Variants in MGAT4B observed in about 807,000 individuals in gnomAD.
MGAT4B encodes the protein alpha-1,3-mannosyl-glycoprotein 4-beta-N-acetylglucosaminyltransferase B.
In MGAT4B, 38 loss-of-function variants were observed where a neutral mutation model predicts 73.9. The observed-to-expected ratio is 0.51, with a 90% CI of 0.40 to 0.67. The LOEUF is 0.67. MGAT4B is among the 30% of genes least tolerant of loss of function. The probability of loss-of-function intolerance (pLI) is 0.00; values close to 1 mark genes in which losing one functional copy is unlikely to be tolerated. For synonymous variants in MGAT4B, 373 were observed against 313.5 expected (o/e 1.19, Z -2.01); for missense variants, 686 against 735.2 (o/e 0.93, Z 0.77).
Position 179,800,485 on chromosome 5 carries a change from T to A in MGAT4B, c.718A>T (p.Arg240Trp). 6.3e-7 allele frequency: 1 copy of A among 1,595,628 alleles called. No homozygotes were observed. The highest frequency in any genetic ancestry group is 8.6e-7 in the Non-Finnish European group (1 of 1,168,958). ...ESFGDPKERVRWRTKQNLDYC... is the reference protein window; with the variant it reads ...ESFGDPKERVWWRTKQNLDYC... ...AGGGTATGGGGGAGTAACTAGTACC[T>A]GACTCTCTCCTTGGGGTCCCCAAAG... Residue 240 changes from arginine (R) to tryptophan (W), a missense_variant and splice_region_variant, in exon 6 of 15, where the codon AGG becomes TGG. Arg to Trp is a moderately radical substitution (Grantham distance 101, BLOSUM62 -3). Around this residue, in one of 2 missense-constraint regions of MGAT4B, gnomAD observed 449 missense variants for 536.8 expected, o/e 0.84. Coordinates refer to ENST00000292591, the MANE Select transcript of MGAT4B (RefSeq NM_014275.5).
intron 1 of MGAT4B, chr5:179,804,907 G>T (rs114418886): frequency 6.6e-6 from 1 of 152,158 alleles, no homozygotes; most frequent in South Asian, 2.1e-4. Flanking sequence ...ACAGCCCCTC[G>T]ACAAGGGAGG....
At position 179,801,491 on chromosome 5, in the gene MGAT4B, C is replaced by A; in HGVS notation, c.425-24G>T. The A allele has an allele frequency of 6.2e-7, 1 of 1,602,724 alleles. No homozygotes were observed. The highest frequency in any genetic ancestry group is 8.5e-7 in the Non-Finnish European group (1 of 1,172,342). ...CACTATGGGGGACGGAGGCCCGACG[C>A]TGGAAAGGGTGCGGGGGCCACCCGT... On this transcript the variant is annotated intron_variant, in intron 3 of 14. Coordinates refer to ENST00000292591, the MANE Select transcript of MGAT4B (RefSeq NM_014275.5). This position sits in a 1 kb window ranked among gnomAD's most constrained non-coding sequence, Gnocchi z 4.8.
intron 8 of MGAT4B, 145 bp downstream of exon 8, chr5:179,799,809 A>G: frequency 8.2e-7 from 1 of 1,226,984 alleles, no homozygotes; most frequent in South Asian, 1.3e-5. Context: ...ACAGGCAATG[A>G]GAACAGGCCA....
rs557239025 is a variant in MGAT4B, at chr5:179,801,081, G to A, written c.559-128C>T. On this transcript the variant is annotated intron_variant, in intron 4 of 14. Transcript: ENST00000292591. The surrounding 1 kb of genome is among the most constrained non-coding windows in gnomAD (Gnocchi z 4.8). ...GGAGTGAGCCTGCTGTGCTGAGGGC[G>A]GAGTAAGGGGGCCCCCAGAGACGGC... 8.0e-5 allele frequency: 102 copies of A among 1,273,346 alleles called. No homozygotes were observed. Among genetic ancestry groups the A allele is most frequent in the East Asian group, 3.7e-4 (15 of 40,042 alleles). 78.9% of individuals were successfully genotyped at this position (1,273,346 alleles called of 1,614,324 possible).
At chr5:179,803,805 T>G (rs1757040164) in intron 1 of MGAT4B, 1 of 152,376 alleles carries the variant, frequency 6.6e-6, no homozygotes, top group Non-Finnish European at 1.5e-5. Context: ...CTTCTGTCAT[T>G]TCCCTACACA....
chr5:179,806,670 G>GGCGGCGGCGGCAGGGGCC lies in MGAT4B; in HGVS notation c.-105_-88dup, dbSNP rs1233020014. The GGCGGCGGCGGCAGGGGCC allele has an allele frequency of 1.6e-6, 1 of 630,908 alleles. No homozygotes were observed. The highest frequency in any genetic ancestry group is 2.0e-5 in the African/African-American group (1 of 49,310). 39.1% of individuals were successfully genotyped at this position (630,908 alleles called of 1,614,324 possible). ...CGGGGCGCAGGGGTCGGAAGGCGGC[G>GGCGGCGGCGGCAGGGGCC]GCGGCGGCGGCAGGGGCCCCGGCCC... On this transcript the variant is annotated 5_prime_UTR_variant, in exon 1 of 15. Transcript: ENST00000292591. The surrounding 1 kb of genome is among the most constrained non-coding windows in gnomAD (Gnocchi z 4.6).
chr5:179,806,482 C>T lies in MGAT4B; in HGVS notation c.97+5G>A. 1.5e-6 allele frequency: 2 copies of T among 1,290,636 alleles called. No individual in the cohort carries two copies. Among genetic ancestry groups the T allele is most frequent in the South Asian group, 1.6e-5 (1 of 62,324 alleles). 79.9% of individuals were successfully genotyped at this position (1,290,636 alleles called of 1,614,324 possible). A position where few individuals can be genotyped will look rare whatever the true frequency, so the allele number is the denominator to read the frequency against. ...AGGTGCGGGCCGGGCGGGGGTCGCGCTCACCTTTCTGGCCGCTGAGTGCCG... is the reference window on the plus strand; with the variant it reads ...AGGTGCGGGCCGGGCGGGGGTCGCGTTCACCTTTCTGGCCGCTGAGTGCCG... On this transcript the variant is annotated splice_donor_5th_base_variant and intron_variant, in intron 1 of 14. Transcript: ENST00000292591. The surrounding 1 kb of genome is among the most constrained non-coding windows in gnomAD (Gnocchi z 4.6).
rs549597971 is a variant in MGAT4B, at chr5:179,799,173, G to A, written c.1149+30C>T. 2.4e-5 allele frequency: 39 copies of A among 1,613,942 alleles called. No individual in the cohort carries two copies. In the South Asian group the frequency reaches 2.6e-4, roughly 11 times the overall value. On this transcript the variant is annotated intron_variant, in intron 10 of 14. Coordinates refer to ENST00000292591, the MANE Select transcript of MGAT4B (RefSeq NM_014275.5). ...TGGCGTGGGCCCCGACCTTGATCCC[G>A]GCCTAGGGAGAGCGTGCAGTGCAGC...
chr5:179,799,935 G>A lies in MGAT4B; in HGVS notation c.910+19C>T. The A allele has an allele frequency of 6.3e-7, 1 of 1,596,634 alleles. No homozygotes were observed. The highest frequency in any genetic ancestry group is 8.6e-7 in the Non-Finnish European group (1 of 1,164,704). ...CAGGTGGGACTGAAAGGCACCGTCA[G>A]GTAAGGGGAGGGGCACACCAATGAA... On this transcript the variant is annotated intron_variant, in intron 8 of 14. Transcript: ENST00000292591.
chr5:179,805,688 G>A (rs1581983022), intron 1 of MGAT4B, among the ~76,000 whole-genome samples: 1 of 152,250 alleles, frequency 6.6e-6, no homozygotes, highest in East Asian at 1.9e-4. Flanking sequence ...CCGAGGGGCA[G>A]CTGGACTCAG....
intron 11 of MGAT4B, 133 bp downstream of exon 11, chr5:179,798,795 A>C: frequency 8.5e-7 from 1 of 1,173,274 alleles, no homozygotes; most frequent in South Asian, 1.4e-5. Flanking sequence ...TAGTCCTCAC[A>C]AGGTAGCTAC....
At chr5:179,800,737 G>C in intron 5 of MGAT4B, 140 bp from the exon 6 acceptor site, 2 of 973,812 alleles carry the variant, frequency 2.1e-6, no homozygotes, top group Non-Finnish European at 3.1e-6. Context: ...TGAGGTAGCA[G>C]AGCTCCAGAG....
chr5:179,802,832 C>T (rs545635307), intron 1 of MGAT4B: 49 of 985,534 alleles, frequency 5.0e-5, no homozygotes, highest in Middle Eastern at 5.2e-4. Context: ...CCACAGTCCA[C>T]GCAGCAGGAC....
In MGAT4B at chr5:179,806,663, A is replaced by AGGCGGCGGC. The variant is rs561073025; in HGVS notation, c.-89_-81dup. The AGGCGGCGGC allele has an allele frequency of 4.1e-5, 24 of 582,916 alleles. No homozygotes were observed. Among genetic ancestry groups the AGGCGGCGGC allele is most frequent in the East Asian group, 1.5e-4 (1 of 6,540 alleles). 36.1% of individuals were successfully genotyped at this position (582,916 alleles called of 1,614,324 possible). On this transcript the variant is annotated 5_prime_UTR_variant, in exon 1 of 15. Coordinates refer to ENST00000292591, the MANE Select transcript of MGAT4B (RefSeq NM_014275.5). The surrounding 1 kb of genome is among the most constrained non-coding windows in gnomAD (Gnocchi z 4.6). ...CCGGGGCCGGGGCGCAGGGGTCGGA[A>AGGCGGCGGC]GGCGGCGGCGGCGGCGGCAGGGGCC...
intron 8 of MGAT4B, 157 bp downstream of exon 8, chr5:179,799,797 G>A (rs1340665793): frequency 1.7e-5 from 21 of 1,256,578 alleles, no homozygotes; most frequent in East Asian, 1.6e-4. Context: ...CATGTCTGAT[G>A]CACAGGCAAT....
At chr5:179,804,439 G>A (rs972806404) in intron 1 of MGAT4B, among the ~76,000 whole-genome samples, 1 of 152,224 alleles carries the variant, frequency 6.6e-6, no homozygotes, top group Non-Finnish European at 1.5e-5. Flanking sequence ...GCCCCCAAGG[G>A]TCTGCCTCCC....
At position 179,797,871 on chromosome 5, in the gene MGAT4B, G is replaced by A; in HGVS notation, c.*174C>T. On this transcript the variant is annotated 3_prime_UTR_variant, in exon 15 of 15. Coordinates refer to ENST00000292591, the MANE Select transcript of MGAT4B (RefSeq NM_014275.5). ...CTCCGCGGCCCGGCGGGCGGGGGCA[G>A]CACCAGCTCCTAGGGCCTCCGGGCC... The A allele has an allele frequency of 2.2e-6, 2 of 900,190 alleles. No individual in the cohort carries two copies. The highest frequency in any genetic ancestry group is 1.7e-5 in the African/African-American group (1 of 57,716). 55.8% of individuals were successfully genotyped at this position (900,190 alleles called of 1,614,324 possible). A position where few individuals can be genotyped will look rare whatever the true frequency, so the allele number is the denominator to read the frequency against.
Position 179,797,733 on chromosome 5 carries a change from C to T in MGAT4B, c.*312G>A, listed in dbSNP as rs555784824. On this transcript the variant is annotated 3_prime_UTR_variant, in exon 15 of 15. Transcript: ENST00000292591. ...AAAGTAGTATATGCATTCCAGTGTT[C>T]GCGCCAGAGACGGCGGGCGCCCAAG... is the stretch of plus-strand genomic sequence containing the variant. 12 of 361,818 alleles carry T rather than the reference C, an allele frequency of 3.3e-5. No homozygotes were observed. Among genetic ancestry groups the T allele is most frequent in the Admixed American group, 2.7e-4 (6 of 21,878 alleles). 22.4% of individuals were successfully genotyped at this position (361,818 alleles called of 1,614,324 possible).
intron 1 of MGAT4B, chr5:179,805,365 G>A (rs1311745548): frequency 6.6e-6 from 1 of 152,340 alleles, no homozygotes; most frequent in African/African-American, 2.4e-5. Context: ...TACCTACAGA[G>A]AATTCTGCCC....
Sources: gnomAD v4.1 joint callset for allele counts (sites outside exome capture counted in the v4.1 genomes callset) on GRCh38, gnomAD v4.1.1 for gene constraint, gnomAD v4.1.1 regional missense constraint, Gnocchi (gnomAD v3.1) non-coding constraint, MANE v1.5 for transcripts, NCBI Gene and HGNC (gene_info 2026-07-23, HGNC 2026-07-21) for gene names.